The following EYS variants were observed in gnomAD, a reference collection of about 807,000 sequenced individuals.
The protein encoded by EYS is EGF-like photoreceptor maintenance factor.
Under a neutral mutation model 282.1 loss-of-function variants are expected in EYS, and 250 were observed. The observed-to-expected ratio is 0.89, with a 90% CI of 0.80 to 0.98. The LOEUF (loss-of-function observed/expected upper bound fraction) is 0.98. Among genes scored for constraint, EYS ranks in the 50% least tolerant of loss-of-function variants. EYS has a pLI of 0.00. For missense variants in EYS, 4,016 were observed against 3,709.0 expected (o/e 1.08, Z -2.15); for synonymous variants, 1,355 against 1,282.9 (o/e 1.06, Z -1.20).
chr6:65,450,699 T>TA (rs1315657335), intron 5 of EYS, among the ~76,000 whole-genome samples: 1 of 152,106 alleles, frequency 6.6e-6, no homozygotes, highest in Admixed American at 6.6e-5. Context: ...GGCAATCCCT[T>TA]AAGGGGCTGA....
chr6:63,823,503 A>C (rs1045720231), intron 36 of EYS, among the ~76,000 whole-genome samples: 8 of 152,152 alleles, frequency 5.3e-5, no homozygotes, highest in African/African-American at 1.9e-4. Flanking sequence ...CAAGTTTCAA[A>C]GTTTGTTTGC....
chr6:65,369,104 C>G (rs1279607669), intron 8 of EYS, among the ~76,000 whole-genome samples: 1 of 150,420 alleles, frequency 6.6e-6, no homozygotes, highest in Non-Finnish European at 1.5e-5. Context: ...AAAACTCTTT[C>G]AAATTTTTCA....
chr6:64,899,691 C>T (rs1767590257), intron 18 of EYS, among the ~76,000 whole-genome samples: 1 of 151,960 alleles, frequency 6.6e-6, no homozygotes, highest in Non-Finnish European at 1.5e-5. Flanking sequence ...TGAACCTCTT[C>T]AAGGGGAACT....
chr6:64,668,126 A>C (rs1769297272), intron 22 of EYS, among the ~76,000 whole-genome samples: 1 of 152,210 alleles, frequency 6.6e-6, no homozygotes, highest in Non-Finnish European at 1.5e-5. Context: ...AAAAACCAAA[A>C]GCAACCTGAA....
At chr6:63,752,846 C>T (rs1769374039) in intron 41 of EYS, among the ~76,000 whole-genome samples, 1 of 151,928 alleles carries the variant, frequency 6.6e-6, no homozygotes, top group Non-Finnish European at 1.5e-5. Flanking sequence ...TATTAGAGTT[C>T]AGTACCAGGA....
intron 15 of EYS, among the ~76,000 whole-genome samples, chr6:64,936,007 C>A (rs1238003701): frequency 6.6e-6 from 1 of 151,458 alleles, no homozygotes; most frequent in Non-Finnish European, 1.5e-5. Context: ...AAATACAGAT[C>A]AATATGCCTT....
chr6:64,160,284 T>C (rs1443438912), intron 31 of EYS, among the ~76,000 whole-genome samples: 2 of 152,214 alleles, frequency 1.3e-5, no homozygotes, highest in African/African-American at 2.4e-5. Flanking sequence ...GTAGCACATA[T>C]GGTATTATTT....
chr6:65,583,523 C>A (rs1764939204), intron 2 of EYS, among the ~76,000 whole-genome samples: 1 of 152,134 alleles, frequency 6.6e-6, no homozygotes, highest in Non-Finnish European at 1.5e-5. Context: ...ACTCTCATTT[C>A]ATTTGGATAG....
intron 31 of EYS, among the ~76,000 whole-genome samples, chr6:64,122,150 A>G (rs1489298627): frequency 6.6e-6 from 1 of 152,146 alleles, no homozygotes; most frequent in Non-Finnish European, 1.5e-5. Flanking sequence ...CTTCAAGTGC[A>G]TTTAATTTAC....
intron 35 of EYS, among the ~76,000 whole-genome samples, chr6:63,914,828 G>C (rs1253317402): frequency 6.6e-6 from 1 of 152,076 alleles, no homozygotes; most frequent in East Asian, 1.9e-4. Context: ...AGCTAATCCA[G>C]AGCAGGGCCT....
At position 63,852,540 on chromosome 6, in the gene EYS, T is replaced by C. The variant is rs970002134; in HGVS notation, c.7228+11646A>G. On this transcript the variant is annotated intron_variant, in intron 36 of 42. Transcript: ENST00000503581. ...AGGACCAGATGAATTCACAGCTGAA[T>C]TCTACCAGAGGTACAAAGAGGAGTT... 2.0e-5 allele frequency among the ~76,000 whole-genome samples: 3 copies of C among 152,306 alleles called. No homozygotes were observed. The East Asian group carries it at 5.8e-4, about 29-fold the overall frequency.
chr6:65,400,135 A>G (rs1349110726), intron 7 of EYS, among the ~76,000 whole-genome samples: 1 of 151,946 alleles, frequency 6.6e-6, no homozygotes, highest in African/African-American at 2.4e-5. Context: ...AAGTTATTTC[A>G]CTTTTGTAGA....
Position 65,075,594 on chromosome 6 carries a change from C to T in EYS, c.2024-17867G>A, listed in dbSNP as rs901948361. On this transcript the variant is annotated intron_variant, in intron 12 of 42. Coordinates refer to ENST00000503581, the MANE Select transcript of EYS (RefSeq NM_001142800.2). Reference sequence around the variant, plus strand: ...CAAAATGTTATACAATTCCATGTTACAGTGAATTTCTTAAATAGTATTGTA... The same window carrying T: ...CAAAATGTTATACAATTCCATGTTATAGTGAATTTCTTAAATAGTATTGTA... 5.3e-5 allele frequency among the ~76,000 whole-genome samples: 8 copies of T among 151,942 alleles called. 1 individual carries two copies. The highest frequency in any genetic ancestry group is 1.7e-4 in the African/African-American group (7 of 41,416).
intron 12 of EYS, among the ~76,000 whole-genome samples, chr6:65,095,305 A>G (rs1008157972): frequency 6.6e-6 from 1 of 151,230 alleles, no homozygotes; most frequent in Non-Finnish European, 1.5e-5. Flanking sequence ...AATTTCAGTT[A>G]GACAAGAATA....
intron 31 of EYS, among the ~76,000 whole-genome samples, chr6:64,171,610 T>C (rs1764482006): frequency 7.4e-6 from 1 of 134,916 alleles, no homozygotes; most frequent in African/African-American, 2.7e-5. Context: ...ATAATATTGA[T>C]TAATGATTAT....
intron 12 of EYS, among the ~76,000 whole-genome samples, chr6:65,156,954 A>C (rs1337888624): frequency 6.6e-6 from 1 of 150,888 alleles, no homozygotes; most frequent in Non-Finnish European, 1.5e-5. Context: ...TATTTTAGCC[A>C]CTCAATTCTA....
intron 15 of EYS, among the ~76,000 whole-genome samples, chr6:64,930,318 T>C (rs1052141851): frequency 3.3e-4 from 50 of 152,092 alleles, no homozygotes; most frequent in African/African-American, 1.2e-3. Context: ...ACATATTTTG[T>C]TCAAACCTCC....
At chr6:65,263,841 T>C (rs759091366) in intron 12 of EYS, among the ~76,000 whole-genome samples, 1 of 151,758 alleles carries the variant, frequency 6.6e-6, no homozygotes, top group African/African-American at 2.4e-5. Context: ...TTCAAAACTT[T>C]AAGGTGCTAT....
intron 19 of EYS, among the ~76,000 whole-genome samples, chr6:64,854,402 C>T (rs1319526606): frequency 1.3e-5 from 2 of 151,950 alleles, no homozygotes; most frequent in Non-Finnish European, 2.9e-5. Context: ...TCATGGAATA[C>T]TATGCAGCCA....
Sources: gnomAD v4.1 joint callset for allele counts (sites outside exome capture counted in the v4.1 genomes callset) on GRCh38, gnomAD v4.1.1 for gene constraint, MANE v1.5 for transcripts, NCBI Gene and HGNC (gene_info 2026-07-23, HGNC 2026-07-21) for gene names.